Variants in MTHFSD observed in about 807,000 individuals in gnomAD.
The protein encoded by MTHFSD is methenyltetrahydrofolate synthetase domain containing.
Under a neutral mutation model 31.1 loss-of-function variants are expected in MTHFSD, and 37 were observed. The observed-to-expected ratio is 1.19, with a 90% CI of 0.91 to 1.56. MTHFSD has a LOEUF of 1.56. MTHFSD is among the 40% of genes most tolerant of loss of function. MTHFSD has a pLI of 0.00. For missense variants in MTHFSD, 664 were observed against 510.1 expected, an observed-to-expected ratio of 1.30 and a Z score of -2.91; for synonymous variants, 221 against 206.9, an observed-to-expected ratio of 1.07 and a Z score of -0.59.
chr16:86,535,582 A>G, intron 7 of MTHFSD: 1 of 876,038 alleles, frequency 1.1e-6, no homozygotes, highest in Non-Finnish European at 1.4e-6. Flanking sequence ...CCTTTTTATA[A>G]CTAATTCTAT....
intron 1 of MTHFSD, 56 bp from the exon 2 acceptor site, chr16:86,554,807 G>T (rs1289205367): frequency 6.8e-7 from 1 of 1,480,384 alleles, no homozygotes; most frequent in Non-Finnish European, 9.4e-7. Context: ...AGCCCATGCT[G>T]AAACCGCTTA....
intron 5 of MTHFSD, among the ~76,000 whole-genome samples, chr16:86,545,222 A>G (rs1391001053): frequency 6.6e-6 from 1 of 152,056 alleles, no homozygotes; most frequent in East Asian, 1.9e-4. Context: ...AAAAAAAAAG[A>G]TATCTGTGTC....
At chr16:86,554,350 C>G (rs1006573011) in intron 2 of MTHFSD, among the ~76,000 whole-genome samples, 3 of 152,212 alleles carry the variant, frequency 2.0e-5, no homozygotes, top group African/African-American at 7.2e-5. Flanking sequence ...GTAACACTCA[C>G]TGCGAGGCTT....
At chr16:86,546,326 C>G (rs925165293) in intron 5 of MTHFSD, among the ~76,000 whole-genome samples, 1 of 152,216 alleles carries the variant, frequency 6.6e-6, no homozygotes, top group Admixed American at 6.5e-5. Context: ...AGTTATCTCA[C>G]TTTGTTTTTC....
chr16:86,552,207 T>TG (rs769580653), intron 2 of MTHFSD, 61 bp from the exon 3 acceptor site: 46 of 1,613,734 alleles, frequency 2.9e-5, no homozygotes, highest in South Asian at 5.5e-5. Context: ...AGCACTTTTC[T>TG]GGGGGGCATC....
chr16:86,550,116 T>C (rs1186802648), intron 3 of MTHFSD, among the ~76,000 whole-genome samples: 1 of 152,232 alleles, frequency 6.6e-6, no homozygotes, highest in Admixed American at 6.5e-5. Flanking sequence ...GCTGTGCATG[T>C]CACCATTGCC....
At chr16:86,535,770 T>C (rs1428738721) in intron 7 of MTHFSD, among the ~76,000 whole-genome samples, 1 of 152,200 alleles carries the variant, frequency 6.6e-6, no homozygotes, top group African/African-American at 2.4e-5. Flanking sequence ...TCTTACCATT[T>C]TGGATAAACT....
intron 7 of MTHFSD, chr16:86,541,228 T>G (rs1004582108): frequency 7.8e-7 from 1 of 1,288,628 alleles, no homozygotes; most frequent in African/African-American, 1.5e-5. Flanking sequence ...ATGCATAAAA[T>G]GTACAAAGGC....
rs563912694 is a variant in MTHFSD, at chr16:86,544,162, ACCGTCCCCT to A, written c.443-1958_443-1950del. On this transcript the variant is annotated intron_variant, in intron 5 of 7. Transcript: ENST00000360900. ...TGTAATGTGCTTAAATTATCCTGAA[ACCGTCCCCT>A]CCCTGGTCCATGGAAAAATTGTCTT... Among the ~76,000 whole-genome samples the A allele has an allele frequency of 2.5e-3, 387 of 152,242 alleles. 5 individuals carry two copies. Among genetic ancestry groups the A allele is most frequent in the Non-Finnish European group, 4.0e-3 (270 of 68,024 alleles).
intron 3 of MTHFSD, 146 bp from the exon 4 acceptor site, chr16:86,548,723 T>C: frequency 1.6e-6 from 1 of 627,882 alleles, no homozygotes; most frequent in South Asian, 2.4e-5. Context: ...AATTACTTAT[T>C]TGAAAACCTA....
rs767669139 is a variant in MTHFSD at position 86,546,555 on chromosome 16, T to C, written c.442+4A>G. ...ACTCAAGGGTTCCCATCTGCTAGTC[T>C]TACCTTTTTCAGAAACGGCGACGGA... is the stretch of plus-strand genomic sequence containing the variant. On this transcript the variant is annotated splice_donor_region_variant and intron_variant, in intron 5 of 7. Coordinates refer to ENST00000360900, the MANE Select transcript of MTHFSD (RefSeq NM_001159377.2). 6 of 1,613,624 alleles carry C rather than the reference T, an allele frequency of 3.7e-6. No individual in the cohort carries two copies. The East Asian group carries it at 1.1e-4, about 30-fold the overall frequency.
In MTHFSD at chr16:86,542,715, C is replaced by A. The variant is rs571303432; in HGVS notation, c.443-502G>T. The stretch of plus-strand genomic sequence containing the variant: ...CCACTAGATACCAGGTCCTGAGGGA[C>A]GGTTTAAGCAGTACTAAAGCGTTTT... On this transcript the variant is annotated intron_variant, in intron 5 of 7. Transcript: ENST00000360900. The surrounding 1 kb of genome is among the most constrained non-coding windows in gnomAD (Gnocchi z 4.6). Among the ~76,000 whole-genome samples, 1 of 152,274 alleles carries A rather than the reference C, an allele frequency of 6.6e-6. No homozygotes were observed. Among genetic ancestry groups the A allele is most frequent in the East Asian group, 1.9e-4 (1 of 5,182 alleles).
At chr16:86,536,377 C>G (rs187747028) in intron 7 of MTHFSD, among the ~76,000 whole-genome samples, 1 of 152,210 alleles carries the variant, frequency 6.6e-6, no homozygotes, top group Non-Finnish European at 1.5e-5. Flanking sequence ...AGGCAGGCCT[C>G]GAAGCCTCTG....
intron 2 of MTHFSD, chr16:86,553,724 C>CAGTGGGG: frequency 6.5e-6 from 1 of 152,722 alleles, no homozygotes; most frequent in Non-Finnish European, 1.5e-5. Context: ...CACTGCCCAA[C>CAGTGGGG]GGCTGAGGAG....
intron 3 of MTHFSD, among the ~76,000 whole-genome samples, chr16:86,550,374 G>C (rs1044866436): frequency 2.0e-5 from 3 of 152,226 alleles, no homozygotes; most frequent in Admixed American, 2.0e-4. Flanking sequence ...GATTTGCTCA[G>C]GGCTGCACCC....
chr16:86,535,645 C>T, intron 7 of MTHFSD: 1 of 343,564 alleles, frequency 2.9e-6, no homozygotes, highest in Non-Finnish European at 4.1e-6. Flanking sequence ...GTCCCCTAGA[C>T]ATGCTAAGTC....
At chr16:86,546,078 AAGTCTCGGACACACCACGTTGTTCAGG>A (rs1416959929) in intron 5 of MTHFSD, among the ~76,000 whole-genome samples, 239 of 152,086 alleles carry the variant, frequency 1.6e-3, no homozygotes, top group African/African-American at 4.6e-3. Context: ...GCCTGAGAAG[AAGTCTCGGACACACCACGTTGTTCAGG>A]AGTCTCGGAC....
At chr16:86,540,476 T>A (rs1971340890) in intron 7 of MTHFSD, among the ~76,000 whole-genome samples, 1 of 152,244 alleles carries the variant, frequency 6.6e-6, no homozygotes, top group African/African-American at 2.4e-5. Context: ...CCTAGCTCTC[T>A]GCCAGAGGAG....
At chr16:86,548,064 G>T in intron 4 of MTHFSD, 1 of 1,290,498 alleles carries the variant, frequency 7.7e-7, no homozygotes, top group Non-Finnish European at 1.0e-6. Flanking sequence ...TTCCAATGGA[G>T]CATGTTTTGG....
Sources: gnomAD v4.1 joint callset for allele counts (sites outside exome capture counted in the v4.1 genomes callset) on GRCh38, gnomAD v4.1.1 for gene constraint, Gnocchi (gnomAD v3.1) non-coding constraint, MANE v1.5 for transcripts, NCBI Gene and HGNC (gene_info 2026-07-23, HGNC 2026-07-21) for gene names.